The following CDK13 variants were observed in gnomAD, a reference collection of about 807,000 sequenced individuals.
CDK13 encodes the protein cyclin-dependent kinase 13.
CDK13 carries 40 observed loss-of-function variants against 137.6 expected under a neutral mutation model. That is an observed-to-expected ratio of 0.29 (90% CI 0.23 to 0.38). CDK13 has a LOEUF of 0.38. Ranked by LOEUF, CDK13 falls within the 10% of genes least tolerant of loss-of-function variation. The pLI is 1.00. For missense variants in CDK13, 1,704 were observed against 1,951.8 expected (o/e 0.87, Z 2.39); for synonymous variants, 869 against 760.1 (o/e 1.14, Z -2.36).
At chr7:39,967,145 A>G (rs1783890185) in intron 1 of CDK13, among the ~76,000 whole-genome samples, 2 of 150,512 alleles carry the variant, frequency 1.3e-5, no homozygotes, top group Admixed American at 1.3e-4. Context: ...TTTTAAAGCT[A>G]AGCCGAGTGC....
intron 11 of CDK13, among the ~76,000 whole-genome samples, chr7:40,087,127 C>T (rs959301994): frequency 2.0e-5 from 3 of 151,934 alleles, no homozygotes; most frequent in Non-Finnish European, 2.9e-5. Context: ...TATCCCATAT[C>T]TGGTTTCTGC....
intron 5 of CDK13, among the ~76,000 whole-genome samples, chr7:40,036,465 T>A (rs1472535506): frequency 6.6e-6 from 1 of 151,866 alleles, no homozygotes; most frequent in African/African-American, 2.4e-5. Flanking sequence ...CCAGCTACTC[T>A]GGAGGCTGAG....
intron 5 of CDK13, 124 bp downstream of exon 5, chr7:40,002,155 T>C (rs1200265546): frequency 3.3e-6 from 2 of 604,782 alleles, no homozygotes; most frequent in Non-Finnish European, 5.6e-6. Flanking sequence ...CGTGAAACTA[T>C]ATTTTTAAGT....
Position 40,094,986 on chromosome 7 carries a change from T to A in CDK13, c.*6T>A, listed in dbSNP as rs1023368164. 1 of 1,366,264 alleles carries A rather than the reference T, an allele frequency of 7.3e-7. No homozygotes were observed. Among genetic ancestry groups the A allele is most frequent in the African/African-American group, 1.5e-5 (1 of 67,738 alleles). 84.6% of individuals were successfully genotyped at this position (1,366,264 alleles called of 1,614,324 possible). A position where few individuals can be genotyped will look rare whatever the true frequency, so the allele number is the denominator to read the frequency against. ...GCAGAGGGTTACCATACTGAGTATCTGTTTTTCCTCAGGCACATCATTTTT... is the reference window on the plus strand; with the variant it reads ...GCAGAGGGTTACCATACTGAGTATCAGTTTTTCCTCAGGCACATCATTTTT... On this transcript the variant is annotated 3_prime_UTR_variant, in exon 14 of 14. Coordinates refer to ENST00000181839, the MANE Select transcript of CDK13 (RefSeq NM_003718.5).
In CDK13 at chr7:40,098,966, A is replaced by T. The variant is rs1268909012; in HGVS notation, c.*3986A>T. On this transcript the variant is annotated 3_prime_UTR_variant, in exon 14 of 14. Transcript: ENST00000181839. ...AAGGCAAGTCCTGTATGTATTTTTC[A>T]TTTGTTGAAAGAAGATTGGTTATCA... 1.3e-5 allele frequency: 2 copies of T among 151,980 alleles called. No individual in the cohort carries two copies. Among genetic ancestry groups the T allele is most frequent in the African/African-American group, 4.8e-5 (2 of 41,426 alleles). 9.4% of individuals were successfully genotyped at this position (151,980 alleles called of 1,614,324 possible). A position where few individuals can be genotyped will look rare whatever the true frequency, so the allele number is the denominator to read the frequency against.
In CDK13 at chr7:39,997,629, A is replaced by G; in HGVS notation, c.2007A>G (p.Lys669=). Residue 669 remains lysine, a synonymous_variant, in exon 3 of 14, where the codon AAA becomes AAG. Coordinates refer to ENST00000181839, the MANE Select transcript of CDK13 (RefSeq NM_003718.5). ...TTTCAAAGAGTCCAGAGGAAAAGAAAACAGCAACACAGTTACATAGTAAAA... is the reference window on the plus strand; with the variant it reads ...TTTCAAAGAGTCCAGAGGAAAAGAAGACAGCAACACAGTTACATAGTAAAA... ...DDLSKSPEEK[K]TATQLHSKRR... is the part of the protein sequence containing the mutation. 1 of 1,613,862 alleles carries G rather than the reference A, an allele frequency of 6.2e-7. No individual in the cohort carries two copies. Among genetic ancestry groups the G allele is most frequent in the Non-Finnish European group, 8.5e-7 (1 of 1,179,906 alleles).
chr7:40,042,718 G>A (rs1449272409), intron 5 of CDK13, among the ~76,000 whole-genome samples: 2 of 150,318 alleles, frequency 1.3e-5, no homozygotes, highest in South Asian at 2.1e-4. Flanking sequence ...GGCCTCAAGC[G>A]ATCCACCCAC....
intron 2 of CDK13, among the ~76,000 whole-genome samples, chr7:39,992,104 C>CGCACACACACACACAA (rs1784469382): frequency 1.8e-5 from 1 of 55,706 alleles, no homozygotes; most frequent in African/African-American, 1.4e-4. Context: ...CACACACACA[C>CGCACACACACACACAA]GCACACACAC....
intron 1 of CDK13, among the ~76,000 whole-genome samples, chr7:39,972,810 A>G (rs1248421337): frequency 2.6e-5 from 4 of 152,092 alleles, no homozygotes; most frequent in Admixed American, 1.3e-4. Flanking sequence ...TCTTGAGCAT[A>G]TATCTAGGAG....
At chr7:40,007,213 C>A (rs181590198) in intron 5 of CDK13, among the ~76,000 whole-genome samples, 2 of 152,126 alleles carry the variant, frequency 1.3e-5, no homozygotes, top group Admixed American at 1.3e-4. Flanking sequence ...AATTTGAGCA[C>A]TCTAGTGTGG....
intron 1 of CDK13, chr7:39,985,656 T>C (rs1220699325): frequency 6.6e-6 from 1 of 151,986 alleles, no homozygotes; most frequent in African/African-American, 2.4e-5. Flanking sequence ...TGTGTTAATG[T>C]GTTAACCTGC....
chr7:39,974,168 T>A (rs1435481565), intron 1 of CDK13, among the ~76,000 whole-genome samples: 1 of 152,222 alleles, frequency 6.6e-6, no homozygotes, highest in Non-Finnish European at 1.5e-5. Flanking sequence ...ATTTTTTGTT[T>A]CATCACTACA....
intron 1 of CDK13, among the ~76,000 whole-genome samples, chr7:39,975,632 A>G (rs1402962714): frequency 6.6e-6 from 1 of 152,180 alleles, no homozygotes; most frequent in African/African-American, 2.4e-5. Context: ...TAATGTTGAA[A>G]TGATGAGAGA....
At position 39,950,758 on chromosome 7, in the gene CDK13, G is replaced by T; in HGVS notation, c.117G>T (p.Leu39=). Residue 39 remains leucine (L), a synonymous_variant, in exon 1 of 14, where the codon CTG becomes CTT. Coordinates refer to ENST00000181839, the MANE Select transcript of CDK13 (RefSeq NM_003718.5). The stretch of plus-strand genomic sequence containing the variant: ...TCCTGTCCCCTCAGCAGCCGCCGCT[G>T]CTGTTGCCGCTCCTGCAGCCGCAGC... ...RRFLSPQQPP[L]LLPLLQPQLL... is the part of the protein sequence containing the mutation. 6.8e-7 allele frequency: 1 copy of T among 1,476,454 alleles called. No homozygotes were observed. Among genetic ancestry groups the T allele is most frequent in the Non-Finnish European group, 8.9e-7 (1 of 1,121,478 alleles). The allele number at this position is 1,476,454 out of a possible 1,614,324, so 91.5% of individuals were successfully genotyped here.
intron 1 of CDK13, among the ~76,000 whole-genome samples, chr7:39,963,240 T>C: frequency 6.6e-6 from 1 of 152,242 alleles, no homozygotes. Context: ...ATGATATTGA[T>C]TCTTCCTACC....
In CDK13 at chr7:40,063,112, A is replaced by T. The variant is rs1786191160; in HGVS notation, c.2780+12A>T. 2 of 1,580,400 alleles carry T rather than the reference A, an allele frequency of 1.3e-6. No individual in the cohort carries two copies. The highest frequency in any genetic ancestry group is 2.7e-5 in the African/African-American group (2 of 74,234). On this transcript the variant is annotated intron_variant, in intron 9 of 13. Transcript: ENST00000181839. ...CTAGAATTAATAAGGTAAGCTGCTGATTATAATATTGGTGGGAATTGGGAG... is the reference window on the plus strand; with the variant it reads ...CTAGAATTAATAAGGTAAGCTGCTGTTTATAATATTGGTGGGAATTGGGAG...
chr7:40,030,882 G>T (rs1284091500), intron 5 of CDK13, among the ~76,000 whole-genome samples: 2 of 152,106 alleles, frequency 1.3e-5, no homozygotes, highest in African/African-American at 2.4e-5. Context: ...ATATTCCATT[G>T]TATGGGTGTA....
In CDK13 at chr7:40,062,946, CT is replaced by C. The variant is rs1786187847; in HGVS notation, c.2702+20del. 2 of 1,604,952 alleles carry C rather than the reference CT, an allele frequency of 1.2e-6. No homozygotes were observed. Among genetic ancestry groups the C allele is most frequent in the Non-Finnish European group, 1.7e-6 (2 of 1,171,854 alleles). ...GCTGTGGGTAAGATAGCCTTATTTACTGGTTTATTTTACTTGAAACTTTTGG... is the reference window on the plus strand; with the variant it reads ...GCTGTGGGTAAGATAGCCTTATTTACGGTTTATTTTACTTGAAACTTTTGG... On this transcript the variant is annotated intron_variant, in intron 8 of 13. Coordinates refer to ENST00000181839, the MANE Select transcript of CDK13 (RefSeq NM_003718.5).
At chr7:40,058,592 T>A in intron 7 of CDK13, among the ~76,000 whole-genome samples, 1 of 151,068 alleles carries the variant, frequency 6.6e-6, no homozygotes, top group African/African-American at 2.4e-5. Context: ...GGGGGTGCAA[T>A]TAGAGATGGA....
Sources: allele counts gnomAD v4.1 joint callset (sites outside exome capture counted in the v4.1 genomes callset), GRCh38; gene constraint gnomAD v4.1.1; transcripts MANE v1.5; gene names NCBI Gene and HGNC (gene_info 2026-07-23, HGNC 2026-07-21).